Variants in TANC1 observed in about 807,000 individuals in gnomAD.
TANC1 encodes tetratricopeptide repeat, ankyrin repeat and coiled-coil containing 1.
In TANC1, 77 loss-of-function variants were observed where a neutral mutation model predicts 149.7. That is an observed-to-expected ratio of 0.51 (90% CI 0.43 to 0.62). The LOEUF is 0.62. Among genes scored for constraint, TANC1 ranks in the 20% least tolerant of loss-of-function variants. The probability of loss-of-function intolerance (pLI) is 0.00; values close to 1 mark genes in which losing one functional copy is unlikely to be tolerated. For missense variants in TANC1, 1,985 were observed against 2,321.8 expected, an observed-to-expected ratio of 0.85 and a Z score of 2.98; for synonymous variants, 854 against 925.0, an observed-to-expected ratio of 0.92 and a Z score of 1.39.
intron 3 of TANC1, among the ~76,000 whole-genome samples, chr2:159,067,324 C>T (rs1033975886): frequency 3.3e-5 from 5 of 152,206 alleles, no homozygotes; most frequent in Non-Finnish European, 5.9e-5. Context: ...GCCTTTATTG[C>T]AAGGCTGCTG....
chr2:158,995,109 G>C (rs934233826), intron 1 of TANC1, among the ~76,000 whole-genome samples: 1 of 152,230 alleles, frequency 6.6e-6, no homozygotes, highest in African/African-American at 2.4e-5. Flanking sequence ...GCCTTGTCTA[G>C]TTAAGTGTTC....
chr2:159,089,230 T>C (rs34505588), intron 3 of TANC1, among the ~76,000 whole-genome samples: 15,427 of 152,234 alleles, frequency 0.1, 798 homozygotes, highest in Non-Finnish European at 0.11. Context: ...TCTTTAAAAT[T>C]ACTGGAAATT....
chr2:159,221,861 C>A (rs1463118226), intron 22 of TANC1, among the ~76,000 whole-genome samples: 2 of 152,178 alleles, frequency 1.3e-5, no homozygotes, highest in Non-Finnish European at 2.9e-5. Flanking sequence ...TCTTTCAGGG[C>A]AGAAACTGAT....
In TANC1 at chr2:159,175,078, A is replaced by G; in HGVS notation, c.1629A>G (p.Ile543Met). ...TGGCCGCCTACAGAGACCTTCTGAT[A>G]AAGGAGCCCCAACTACAGAGCATGC... is the stretch of plus-strand genomic sequence containing the variant. Reference protein sequence around the residue: ...HQLAAYRDLLIKEPQLQSMLS... With the variant: ...HQLAAYRDLLMKEPQLQSMLS... The change falls in exon 12 of 27, where the codon ATA becomes ATG. Residue 543 changes from isoleucine (I) to methionine (M), a missense_variant. Ile to Met is a conservative substitution (Grantham distance 10). Transcript: ENST00000263635. 6.2e-7 allele frequency: 1 copy of G among 1,614,182 alleles called. No individual in the cohort carries two copies. Among genetic ancestry groups the G allele is most frequent in the Non-Finnish European group, 8.5e-7 (1 of 1,180,028 alleles).
chr2:158,991,536 G>A (rs773135806), intron 1 of TANC1, among the ~76,000 whole-genome samples: 21 of 151,702 alleles, frequency 1.4e-4, no homozygotes, highest in East Asian at 1.2e-3. Context: ...GGTGGATCAC[G>A]AGGTCAGGAG....
rs2060254985 is a variant in TANC1 at position 159,230,013 on chromosome 2, G to C, written c.4587G>C (p.Lys1529Asn). 6.2e-7 allele frequency: 1 copy of C among 1,613,942 alleles called. No individual in the cohort carries two copies. The highest frequency in any genetic ancestry group is 8.5e-7 in the Non-Finnish European group (1 of 1,180,046). The change falls in exon 27 of 27, where the codon AAG becomes AAC. Residue 1529 changes from lysine (K) to asparagine (N), a missense_variant. This residue lies in a region of TANC1 where 920 missense variants were observed against 994.7 expected (regional missense o/e 0.92). Coordinates refer to ENST00000263635, the MANE Select transcript of TANC1 (RefSeq NM_033394.3). This position sits in a 1 kb window ranked among gnomAD's most constrained non-coding sequence, Gnocchi z 4.4. The stretch of plus-strand genomic sequence containing the variant: ...CAGGGCTGCTCCTGCAGCCCTCCAA[G>C]CAGGCCCAGATCGTGAAAACCAGCC... ...AQPGLLLQPS[K>N]QAQIVKTSQH... is the part of the protein sequence containing the mutation.
chr2:159,124,761 A>G (rs2049221840), intron 4 of TANC1, among the ~76,000 whole-genome samples: 1 of 150,904 alleles, frequency 6.6e-6, no homozygotes, highest in South Asian at 2.1e-4. Context: ...TTTTCCAGAG[A>G]CAGGGCCTCA....
chr2:159,225,441 C>G (rs545654405), intron 23 of TANC1: 1 of 554,756 alleles, frequency 1.8e-6, no homozygotes, highest in South Asian at 2.1e-5. Flanking sequence ...AATGAGTTTT[C>G]GCTGCTCGGA....
At chr2:159,055,226 T>A (rs1176627872) in intron 2 of TANC1, among the ~76,000 whole-genome samples, 1 of 152,244 alleles carries the variant, frequency 6.6e-6, no homozygotes, top group Non-Finnish European at 1.5e-5. Flanking sequence ...TAGCCACGCC[T>A]TCTACTGAGT....
chr2:158,986,593 A>G (rs1559102342), intron 1 of TANC1, among the ~76,000 whole-genome samples: 3 of 152,036 alleles, frequency 2.0e-5, no homozygotes, highest in Non-Finnish European at 2.9e-5. Context: ...GGGGATCTGC[A>G]CTCATGTCAA....
At chr2:159,140,236 G>GA (rs2051210327) in intron 5 of TANC1, among the ~76,000 whole-genome samples, 2 of 151,410 alleles carry the variant, frequency 1.3e-5, no homozygotes, top group Non-Finnish European at 2.9e-5. Context: ...AAAAAAAAGT[G>GA]AAAAAAAGAA....
At chr2:159,095,533 C>A (rs1275511467) in intron 3 of TANC1, among the ~76,000 whole-genome samples, 2 of 151,832 alleles carry the variant, frequency 1.3e-5, no homozygotes, top group African/African-American at 2.4e-5. Flanking sequence ...GTCAGAAGTT[C>A]AAGACCAGCC....
In TANC1 at chr2:159,053,865, A is replaced by G. The variant is rs567857483; in HGVS notation, c.-15-12031A>G. Among the ~76,000 whole-genome samples, 15 of 152,274 alleles carry G rather than the reference A, an allele frequency of 9.9e-5. No homozygotes were observed. The South Asian group carries it at 2.3e-3, about 23-fold the overall frequency. ...GGCTAATGAACTCAAGAGCTTGCTC[A>G]TTTTGGCATGTGTTCTGTTGCATGG... On this transcript the variant is annotated intron_variant, in intron 2 of 26. Coordinates refer to ENST00000263635, the MANE Select transcript of TANC1 (RefSeq NM_033394.3).
chr2:158,981,540 TATAA>T (rs1426667745), intron 1 of TANC1, among the ~76,000 whole-genome samples: 164 of 87,800 alleles, frequency 1.9e-3, no homozygotes, highest in Non-Finnish European at 2.7e-3. Flanking sequence ...TATATATATA[TATAA>T]AGAAGTAACA....
At chr2:159,136,561 G>A (rs2050768738) in intron 5 of TANC1, among the ~76,000 whole-genome samples, 1 of 152,146 alleles carries the variant, frequency 6.6e-6, no homozygotes, top group African/African-American at 2.4e-5. Flanking sequence ...TGACCTACCA[G>A]GTCTTGGAGG....
At chr2:159,219,920 G>A in intron 22 of TANC1, 53 bp downstream of exon 22, 1 of 1,589,366 alleles carries the variant, frequency 6.3e-7, no homozygotes, top group South Asian at 1.1e-5. Flanking sequence ...AGAAACCCCA[G>A]GAAGTGAACA....
intron 4 of TANC1, among the ~76,000 whole-genome samples, chr2:159,124,674 T>C (rs1010047322): frequency 2.9e-4 from 44 of 152,088 alleles, no homozygotes; most frequent in African/African-American, 9.9e-4. Flanking sequence ...TAAATCAAAG[T>C]TTGTGGTTGT....
chr2:159,166,763 C>T (rs1333747264), intron 8 of TANC1, among the ~76,000 whole-genome samples: 2 of 152,254 alleles, frequency 1.3e-5, no homozygotes, highest in African/African-American at 2.4e-5. Flanking sequence ...TGAAATCTTC[C>T]TGCCCTATTC....
rs891997687 is a variant in TANC1, at chr2:159,097,626, C to G, written c.62-11C>G. 4 of 1,606,336 alleles carry G rather than the reference C, an allele frequency of 2.5e-6. No individual in the cohort carries two copies. Among genetic ancestry groups the G allele is most frequent in the Non-Finnish European group, 2.6e-6 (3 of 1,173,216 alleles). On this transcript the variant is annotated splice_polypyrimidine_tract_variant and intron_variant, in intron 3 of 26. Coordinates refer to ENST00000263635, the MANE Select transcript of TANC1 (RefSeq NM_033394.3). ...GGATGGTTTAACCTAAGTATTCTCT[C>G]TCTACTCTAGGAAGTGACTTTGGTC...
Sources: gnomAD v4.1 joint callset for allele counts (sites outside exome capture counted in the v4.1 genomes callset) on GRCh38, gnomAD v4.1.1 for gene constraint, gnomAD v4.1.1 regional missense constraint, Gnocchi (gnomAD v3.1) non-coding constraint, MANE v1.5 for transcripts, NCBI Gene and HGNC (gene_info 2026-07-23, HGNC 2026-07-21) for gene names.